LAYN: variants seen among roughly 807,000 people sequenced by gnomAD.
LAYN encodes the protein layilin.
In LAYN, 38 loss-of-function variants were observed where a neutral mutation model predicts 43.6. The ratio of observed to expected loss-of-function variants is 0.87; its 90% confidence interval spans 0.67 to 1.14. The LOEUF (loss-of-function observed/expected upper bound fraction) is 1.14, where lower values mean the gene tolerates loss of function less well. Among genes scored for constraint, LAYN ranks in the 50% most tolerant of loss-of-function variants. The probability of loss-of-function intolerance (pLI) is 0.00; values close to 1 mark genes in which losing one functional copy is unlikely to be tolerated. For synonymous variants in LAYN, 168 were observed against 172.9 expected (o/e 0.97, Z 0.22); for missense variants, 479 against 463.8 (o/e 1.03, Z -0.30).
chr11:111,547,481 A>T (rs1245523332), intron 2 of LAYN, among the ~76,000 whole-genome samples: 1 of 152,232 alleles, frequency 6.6e-6, no homozygotes, highest in Non-Finnish European at 1.5e-5. Context: ...TATAGCCTTG[A>T]GTCAAGACCA....
At chr11:111,558,561 A>G (rs1229515115) in intron 6 of LAYN, among the ~76,000 whole-genome samples, 1 of 151,986 alleles carries the variant, frequency 6.6e-6, no homozygotes, top group African/African-American at 2.4e-5. Flanking sequence ...AATTACAGGC[A>G]TATTTTCCAG....
At chr11:111,557,764 G>A in intron 6 of LAYN, 121 bp downstream of exon 6, 1 of 816,988 alleles carries the variant, frequency 1.2e-6, no homozygotes, top group Non-Finnish European at 2.1e-6. Flanking sequence ...TTGCAGATTG[G>A]AGAGTGGGTT....
chr11:111,560,399 G>C lies in LAYN; in HGVS notation c.1066G>C (p.Asp356His). Reference sequence around the variant, plus strand: ...CAATGACATTTATGAGTTCTCCCCAGACCAAATGGGGAGGAGTAAGGAGTC... The same window carrying C: ...CAATGACATTTATGAGTTCTCCCCACACCAAATGGGGAGGAGTAAGGAGTC... ...VTNDIYEFSP[D>H]QMGRSKESGW... is the part of the protein sequence containing the mutation. The change falls in exon 7 of 7, where the codon GAC becomes CAC. Residue 356 changes from aspartate (D) to histidine (H), a missense_variant. Coordinates refer to ENST00000375614, the MANE Select transcript of LAYN (RefSeq NM_178834.5). 6.2e-7 allele frequency: 1 copy of C among 1,613,862 alleles called. No homozygotes were observed. Among genetic ancestry groups the C allele is most frequent in the Non-Finnish European group, 8.5e-7 (1 of 1,179,722 alleles).
rs570852885 is a variant in LAYN at position 111,558,470 on chromosome 11, T to G, written c.761+827T>G. ...TAATACTTGCAGAATAAGTATATAC[T>G]AAGCACTTGAATGTTACCTATTATT... is the stretch of plus-strand genomic sequence containing the variant. On this transcript the variant is annotated intron_variant, in intron 6 of 6. Transcript: ENST00000375614. Among the ~76,000 whole-genome samples, 3 of 152,290 alleles carry G rather than the reference T, an allele frequency of 2.0e-5. No individual in the cohort carries two copies. In the East Asian group the frequency reaches 5.8e-4, roughly 29 times the overall value.
At chr11:111,546,833 C>CT (rs1867656376) in intron 2 of LAYN, among the ~76,000 whole-genome samples, 1 of 152,176 alleles carries the variant, frequency 6.6e-6, no homozygotes, top group African/African-American at 2.4e-5. Context: ...CAAAAGGTGA[C>CT]TAATTTTCAG....
chr11:111,549,972 A>G (rs1428878831), intron 3 of LAYN, among the ~76,000 whole-genome samples, 197 bp downstream of exon 3: 3 of 152,250 alleles, frequency 2.0e-5, no homozygotes, highest in African/African-American at 7.2e-5. Context: ...AGCAAAGGAA[A>G]GGTTATCAGA....
rs544612331 is a variant in LAYN at position 111,553,755 on chromosome 11, T to C, written c.542-806T>C. On this transcript the variant is annotated intron_variant, in intron 3 of 6. Transcript: ENST00000375614. ...ACACACACACACACACACACACACT[T>C]ATGGGAAGATGACTAAAAGTTTTTG... Among the ~76,000 whole-genome samples the C allele has an allele frequency of 4.1e-3, 432 of 104,158 alleles. 5 individuals are homozygous for C. Among genetic ancestry groups the C allele is most frequent in the African/African-American group, 0.014 (414 of 30,332 alleles). 68.3% of individuals were successfully genotyped at this position (104,158 alleles called of 152,430 possible). A position where few individuals can be genotyped will look rare whatever the true frequency, so the allele number is the denominator to read the frequency against.
Position 111,540,767 on chromosome 11 carries a change from G to A in LAYN, c.-77G>A. On this transcript the variant is annotated 5_prime_UTR_variant, in exon 1 of 7. Transcript: ENST00000375614. ...AGATGCTGCTGCCGCGGTTGCAGTT[G>A]TCGCGCACGCCTCTGCCCGCCAGCC... 3 of 1,393,884 alleles carry A rather than the reference G, an allele frequency of 2.2e-6. No individual in the cohort carries two copies. The South Asian group carries it at 4.1e-5, about 19-fold the overall frequency. The allele number at this position is 1,393,884 out of a possible 1,614,324, so 86.3% of individuals were successfully genotyped here. A position where few individuals can be genotyped will look rare whatever the true frequency, so the allele number is the denominator to read the frequency against.
At chr11:111,545,831 A>C (rs1591564983) in intron 2 of LAYN, among the ~76,000 whole-genome samples, 1 of 152,238 alleles carries the variant, frequency 6.6e-6, no homozygotes, top group African/African-American at 2.4e-5. Flanking sequence ...TCTTGGAAAC[A>C]CAGGACTGTA....
At position 111,561,342 on chromosome 11, in the gene LAYN, AG is replaced by A. The variant is rs1867954202; in HGVS notation, c.*885del. ...GCCACTGCTCTCCTGCGTGGGCAAC[AG>A]AATGAGACCCTGTCTCTAAACAAAA... On this transcript the variant is annotated 3_prime_UTR_variant, in exon 7 of 7. Transcript: ENST00000375614. The A allele has an allele frequency of 6.6e-6, 1 of 152,266 alleles. No individual in the cohort carries two copies. Among genetic ancestry groups the A allele is most frequent in the Non-Finnish European group, 1.5e-5 (1 of 68,052 alleles). The allele number at this position is 152,266 out of a possible 1,614,324, so 9.4% of individuals were successfully genotyped here.
At chr11:111,541,473 C>T in intron 1 of LAYN, 2 of 1,310,170 alleles carry the variant, frequency 1.5e-6, no homozygotes, top group Non-Finnish European at 2.1e-6. Context: ...GCTTAGAGAT[C>T]GGGAAAGAAC....
chr11:111,550,411 A>G (rs945183116), intron 3 of LAYN, among the ~76,000 whole-genome samples: 3 of 152,202 alleles, frequency 2.0e-5, no homozygotes, highest in Non-Finnish European at 2.9e-5. Flanking sequence ...CTTCTCCATT[A>G]TAACTGACAG....
At chr11:111,555,943 G>A (rs967970904) in intron 5 of LAYN, among the ~76,000 whole-genome samples, 4 of 152,176 alleles carry the variant, frequency 2.6e-5, no homozygotes, top group African/African-American at 9.7e-5. Context: ...CAATAGTGCA[G>A]TTCAGTTCTG....
chr11:111,558,221 T>C (rs1867879342), intron 6 of LAYN, among the ~76,000 whole-genome samples: 1 of 152,196 alleles, frequency 6.6e-6, no homozygotes, highest in Admixed American at 6.6e-5. Context: ...TTTTATTTTA[T>C]TTTTAGTACT....
intron 6 of LAYN, among the ~76,000 whole-genome samples, chr11:111,559,408 G>A (rs535403091): frequency 5.1e-4 from 78 of 151,772 alleles, no homozygotes; most frequent in Non-Finnish European, 9.4e-4. Context: ...TTCACTTATG[G>A]ATGAGTCGTG....
At position 111,547,173 on chromosome 11, in the gene LAYN, C is replaced by G. The variant is rs551371111; in HGVS notation, c.384-2445C>G. Among the ~76,000 whole-genome samples, 8 of 152,350 alleles carry G rather than the reference C, an allele frequency of 5.3e-5. No homozygotes were observed. In the South Asian group the frequency reaches 1.4e-3, roughly 28 times the overall value. ...GTGCTATGCTTCATTCTTCAAATTA[C>G]TGCAAGATGCAATAGTTTGTTCTTC... On this transcript the variant is annotated intron_variant, in intron 2 of 6. Transcript: ENST00000375614.
At chr11:111,551,998 ATG>A (rs1591568238) in intron 3 of LAYN, among the ~76,000 whole-genome samples, 1 of 70,596 alleles carries the variant, frequency 1.4e-5, no homozygotes, top group East Asian at 6.0e-4. Context: ...AATGTTATGT[ATG>A]TGTATGTGTG....
intron 3 of LAYN, among the ~76,000 whole-genome samples, chr11:111,552,151 G>A (rs1237340947): frequency 6.6e-6 from 1 of 151,916 alleles, no homozygotes; most frequent in Non-Finnish European, 1.5e-5. Flanking sequence ...GAAGGATATG[G>A]GATAATTCTT....
rs776349496 is a variant in LAYN at position 111,549,781 on chromosome 11, G to C, written c.541+6G>C. The stretch of plus-strand genomic sequence containing the variant: ...CATTTGCAAATATTCTGATGGTAAT[G>C]AATCCTCTCCCAAGCTATGCGGCTG... On this transcript the variant is annotated splice_donor_region_variant and intron_variant, in intron 3 of 6. Transcript: ENST00000375614. 18 of 1,599,610 alleles carry C rather than the reference G, an allele frequency of 1.1e-5. 1 individual carries two copies. The South Asian group carries it at 1.9e-4, about 17-fold the overall frequency.
Sources: allele counts gnomAD v4.1 joint callset (sites outside exome capture counted in the v4.1 genomes callset), GRCh38; gene constraint gnomAD v4.1.1; transcripts MANE v1.5; gene names NCBI Gene and HGNC (gene_info 2026-07-23, HGNC 2026-07-21).